TBC1D1: variants seen among roughly 807,000 people sequenced by gnomAD.
TBC1D1 encodes the protein TBC1 domain family member 1, also known as TBC1 (tre-2/USP6, BUB2, cdc16) domain family, member 1.
In TBC1D1, 89 loss-of-function variants were observed where a neutral mutation model predicts 125.6. That is an observed-to-expected ratio of 0.71 (90% confidence interval 0.60 to 0.85). The LOEUF (loss-of-function observed/expected upper bound fraction) is 0.85, where lower values mean the gene tolerates loss of function less well. Ranked by LOEUF, TBC1D1 falls within the 40% of genes least tolerant of loss-of-function variation. The probability of loss-of-function intolerance (pLI) is 0.00; values close to 1 mark genes in which losing one functional copy is unlikely to be tolerated. For missense variants in TBC1D1, 1,377 were observed against 1,469.2 expected (o/e 0.94, Z 1.03); for synonymous variants, 565 against 564.1 (o/e 1.00, Z -0.02).
chr4:38,131,187 G>A (rs776027876), intron 18 of TBC1D1, among the ~76,000 whole-genome samples: 39 of 152,146 alleles, frequency 2.6e-4, no homozygotes, highest in Admixed American at 5.2e-4. Flanking sequence ...ATGGCTTTGG[G>A]TACTGCTGAG....
chr4:38,131,831 TC>T (rs1216175229), intron 18 of TBC1D1, among the ~76,000 whole-genome samples: 1 of 152,180 alleles, frequency 6.6e-6, no homozygotes, highest in Non-Finnish European at 1.5e-5. Flanking sequence ...CTTACTCCCC[TC>T]GCACACATGC....
intron 16 of TBC1D1, among the ~76,000 whole-genome samples, chr4:38,116,202 C>T (rs1762960840): frequency 6.6e-6 from 1 of 152,132 alleles, no homozygotes; most frequent in Non-Finnish European, 1.5e-5. Flanking sequence ...AAATTGGGCC[C>T]AGTCACACAG....
intron 2 of TBC1D1, among the ~76,000 whole-genome samples, chr4:37,989,546 A>T (rs1736131901): frequency 1.3e-5 from 2 of 152,168 alleles, no homozygotes; most frequent in Non-Finnish European, 2.9e-5. Flanking sequence ...GCTCAGAATA[A>T]ATCTCTTTAA....
chr4:38,137,259 A>T lies in TBC1D1; in HGVS notation c.3431A>T (p.Glu1144Val), dbSNP rs140049928. The T allele has an allele frequency of 3.1e-6, 5 of 1,611,824 alleles. No individual in the cohort carries two copies. The African/African-American group carries it at 5.3e-5, about 17-fold the overall frequency. ...CGGTCGGCCCTGCTGCAGACGGTGG[A>T]GGAGCTGCGGCGGCGGAGCGCAGAG... The change falls in exon 20 of 20, where the codon GAG becomes GTG. Residue 1144 changes from glutamate to valine, a missense_variant. Physicochemically the swap from Glu to Val is moderately radical, Grantham distance 121. Coordinates refer to ENST00000261439, the MANE Select transcript of TBC1D1 (RefSeq NM_015173.4).
rs571966766 is a variant in TBC1D1, at chr4:37,933,034, A to C, written c.417+30522A>C. On this transcript the variant is annotated intron_variant, in intron 2 of 19. Transcript: ENST00000261439. ...ATTGTGCCACTCCAGCCTGGGTGACAGACTGAGACTCCATTTAAAAACAAA... is the reference window on the plus strand; with the variant it reads ...ATTGTGCCACTCCAGCCTGGGTGACCGACTGAGACTCCATTTAAAAACAAA... Among the ~76,000 whole-genome samples the C allele has an allele frequency of 2.5e-4, 38 of 151,628 alleles. No homozygotes were observed. In the East Asian group the frequency reaches 7.4e-3, roughly 29 times the overall value.
rs909794886 is a variant in TBC1D1, at chr4:38,053,308, A to G, written c.1911-891A>G. 10 of 1,137,456 alleles carry G rather than the reference A, an allele frequency of 8.8e-6. No individual in the cohort carries two copies. The East Asian group carries it at 1.6e-4, about 18-fold the overall frequency. 70.5% of individuals were successfully genotyped at this position (1,137,456 alleles called of 1,614,324 possible). A position where few individuals can be genotyped will look rare whatever the true frequency, so the allele number is the denominator to read the frequency against. On this transcript the variant is annotated intron_variant, in intron 11 of 19. Coordinates refer to ENST00000261439, the MANE Select transcript of TBC1D1 (RefSeq NM_015173.4). ...GATATACAAGGGTGTTTTAATTACT[A>G]TTTTGCCATTTAAAAAATCATTTCA...
At chr4:38,094,365 T>A (rs1021570300) in intron 13 of TBC1D1, among the ~76,000 whole-genome samples, 1 of 152,174 alleles carries the variant, frequency 6.6e-6, no homozygotes, top group Admixed American at 6.5e-5. Context: ...TGGTTGCAAA[T>A]TTACATTTGA....
At chr4:38,017,622 G>A (rs924608324) in intron 3 of TBC1D1, among the ~76,000 whole-genome samples, 2 of 152,190 alleles carry the variant, frequency 1.3e-5, no homozygotes, top group African/African-American at 2.4e-5. Context: ...GTTTAGAGGA[G>A]GAGATGGGTC....
chr4:38,125,755 T>A (rs1488382524), intron 18 of TBC1D1, among the ~76,000 whole-genome samples: 1 of 152,188 alleles, frequency 6.6e-6, no homozygotes, highest in African/African-American at 2.4e-5. Context: ...GTGAATGCCC[T>A]GGGTTGGGCA....
intron 11 of TBC1D1, among the ~76,000 whole-genome samples, chr4:38,050,420 A>T (rs2152479905): frequency 6.6e-6 from 1 of 152,312 alleles, no homozygotes; most frequent in East Asian, 1.9e-4. Context: ...ATGTTTTCTA[A>T]AATCTCTCAC....
intron 2 of TBC1D1, among the ~76,000 whole-genome samples, chr4:37,992,180 G>A (rs1249056749): frequency 6.6e-6 from 1 of 152,200 alleles, no homozygotes; most frequent in African/African-American, 2.4e-5. Flanking sequence ...AGATCAGGCT[G>A]TGCTGGATAG....
intron 18 of TBC1D1, chr4:38,132,577 G>A (rs964885781): frequency 2.4e-5 from 4 of 164,530 alleles, no homozygotes; most frequent in Admixed American, 2.0e-4. Context: ...GTGCAAAGGA[G>A]AGTTTTTTAG....
chr4:38,034,357 T>G (rs866434619), intron 7 of TBC1D1, among the ~76,000 whole-genome samples: 1 of 152,224 alleles, frequency 6.6e-6, no homozygotes. Context: ...CTCCAAAATA[T>G]TTAATATTTC....
chr4:38,104,101 A>C (rs1760844833), intron 15 of TBC1D1, among the ~76,000 whole-genome samples: 1 of 144,142 alleles, frequency 6.9e-6, no homozygotes, highest in African/African-American at 2.6e-5. Context: ...CGGAGCTTGC[A>C]GTGAGCCAAG....
At chr4:38,056,045 G>C (rs1172119531) in intron 12 of TBC1D1, among the ~76,000 whole-genome samples, 1 of 152,260 alleles carries the variant, frequency 6.6e-6, no homozygotes, top group Non-Finnish European at 1.5e-5. Context: ...AGGGGCCACA[G>C]ATGACTGCTT....
chr4:38,063,164 T>A (rs893598674), intron 12 of TBC1D1, among the ~76,000 whole-genome samples: 2 of 152,206 alleles, frequency 1.3e-5, no homozygotes, highest in Non-Finnish European at 2.9e-5. Context: ...TTTGAAAATA[T>A]TTCCAGGTGG....
intron 12 of TBC1D1, among the ~76,000 whole-genome samples, chr4:38,089,598 CAGT>C (rs993251452): frequency 2.4e-4 from 36 of 152,304 alleles, no homozygotes; most frequent in Admixed American, 2.0e-3. Flanking sequence ...GTTTGGTACA[CAGT>C]AGGCACTGTA....
chr4:38,066,209 T>C (rs2152503708), intron 12 of TBC1D1, among the ~76,000 whole-genome samples: 1 of 152,086 alleles, frequency 6.6e-6, no homozygotes, highest in South Asian at 2.1e-4. Flanking sequence ...GGAAGTACTC[T>C]AGAATTAAAT....
intron 14 of TBC1D1, 115 bp from the exon 17 acceptor site, chr4:38,102,880 CAAAA>C (rs57043774): frequency 5.2e-4 from 510 of 973,224 alleles, no homozygotes; most frequent in South Asian, 9.0e-4. Flanking sequence ...GACTCTGTCT[CAAAA>C]AAAAAAAAAA....
Sources: allele counts gnomAD v4.1 joint callset (sites outside exome capture counted in the v4.1 genomes callset), GRCh38; gene constraint gnomAD v4.1.1; transcripts MANE v1.5; gene names NCBI Gene and HGNC (gene_info 2026-07-23, HGNC 2026-07-21).